Variants in PLCL2 observed in about 807,000 individuals in gnomAD.
PLCL2 encodes phospholipase C like 2.
A neutral mutation model predicts 79.6 loss-of-function variants in PLCL2; 4 were observed. The observed-to-expected ratio is 0.05, with a 90% CI of 0.02 to 0.11. The LOEUF (loss-of-function observed/expected upper bound fraction) is 0.11. Among genes scored for constraint, PLCL2 ranks in the 10% least tolerant of loss-of-function variants. The pLI is 1.00. For synonymous variants in PLCL2, 484 were observed against 457.7 expected (o/e 1.06, Z -0.73); for missense variants, 895 against 1,291.0 (o/e 0.69, Z 4.70).
intron 1 of PLCL2, among the ~76,000 whole-genome samples, chr3:16,998,849 C>A (rs76447924): frequency 1.3e-5 from 2 of 152,140 alleles, no homozygotes; most frequent in African/African-American, 4.8e-5. Context: ...TTATTTGGAA[C>A]CTTTAACCTG....
At chr3:16,889,850 A>G (rs978028572) in intron 1 of PLCL2, among the ~76,000 whole-genome samples, 1 of 152,336 alleles carries the variant, frequency 6.6e-6, no homozygotes, top group Admixed American at 6.5e-5. Flanking sequence ...CTTAAAAATA[A>G]TATCTGCGTT....
chr3:17,034,055 A>G (rs757856420), intron 3 of PLCL2, among the ~76,000 whole-genome samples: 13 of 152,182 alleles, frequency 8.5e-5, no homozygotes, highest in Non-Finnish European at 1.3e-4. Context: ...TCATTTCATT[A>G]TAACACTGAA....
chr3:17,044,950 T>A (rs1225252232), intron 4 of PLCL2, among the ~76,000 whole-genome samples: 1 of 152,212 alleles, frequency 6.6e-6, no homozygotes, highest in African/African-American at 2.4e-5. Context: ...GTGTAATGGT[T>A]CAAGTTGCTC....
chr3:16,974,806 T>C (rs945136692), intron 1 of PLCL2, among the ~76,000 whole-genome samples: 2 of 152,228 alleles, frequency 1.3e-5, no homozygotes, highest in African/African-American at 4.8e-5. Context: ...GCACTAAGAT[T>C]TAGTACCTTT....
At chr3:17,008,535 G>A (rs1025674154) in intron 1 of PLCL2, among the ~76,000 whole-genome samples, 1 of 152,060 alleles carries the variant, frequency 6.6e-6, no homozygotes. Context: ...ACCAGCCCCA[G>A]GGAGCTGGTT....
intron 3 of PLCL2, among the ~76,000 whole-genome samples, chr3:17,038,440 C>G (rs944993540): frequency 6.6e-6 from 1 of 152,144 alleles, no homozygotes; most frequent in Non-Finnish European, 1.5e-5. Context: ...TATAATTAAC[C>G]ATTCTACTTG....
At chr3:16,981,020 C>T (rs1451182266) in intron 1 of PLCL2, among the ~76,000 whole-genome samples, 1 of 152,222 alleles carries the variant, frequency 6.6e-6, no homozygotes, top group Admixed American at 6.5e-5. Context: ...CCTGCAATCG[C>T]AGGCACTCGG....
chr3:17,086,857 T>C (rs1280306652), intron 5 of PLCL2, among the ~76,000 whole-genome samples: 1 of 152,044 alleles, frequency 6.6e-6, no homozygotes, highest in African/African-American at 2.4e-5. Flanking sequence ...TGGGCAAAAG[T>C]CTGAACAGTC....
chr3:17,026,282 T>G (rs2064516539), intron 3 of PLCL2, among the ~76,000 whole-genome samples: 2 of 152,216 alleles, frequency 1.3e-5, no homozygotes, highest in African/African-American at 4.8e-5. Flanking sequence ...AGAGTCAAGT[T>G]TAACTCTACA....
intron 5 of PLCL2, among the ~76,000 whole-genome samples, chr3:17,071,559 G>A (rs1363553520): frequency 6.6e-6 from 1 of 152,064 alleles, no homozygotes; most frequent in Admixed American, 6.5e-5. Context: ...ATTATTAGAC[G>A]TAGGTGACTT....
chr3:16,888,600 T>C (rs1696277034), intron 1 of PLCL2, among the ~76,000 whole-genome samples: 1 of 152,240 alleles, frequency 6.6e-6, no homozygotes, highest in South Asian at 2.1e-4. Context: ...ACTTTCATTT[T>C]CTCTTTCCAT....
chr3:17,063,419 T>G (rs1333282214), intron 4 of PLCL2, among the ~76,000 whole-genome samples: 1 of 149,106 alleles, frequency 6.7e-6, no homozygotes, highest in Non-Finnish European at 1.5e-5. Context: ...CATCTCTCAG[T>G]CCCATCTCCC....
chr3:16,977,926 GACAA>G (rs1042273611), intron 1 of PLCL2, among the ~76,000 whole-genome samples: 4 of 152,154 alleles, frequency 2.6e-5, no homozygotes, highest in Admixed American at 6.5e-5. Flanking sequence ...TGGTGGAAGG[GACAA>G]ACAAAGTCCT....
In PLCL2 at chr3:16,885,173, G is replaced by A; in HGVS notation, c.134G>A (p.Gly45Glu). The A allele has an allele frequency of 1.8e-6, 1 of 562,644 alleles. No individual in the cohort carries two copies. Among genetic ancestry groups the A allele is most frequent in the East Asian group, 3.5e-5 (1 of 28,902 alleles). The allele number at this position is 562,644 out of a possible 1,614,324, so 34.9% of individuals were successfully genotyped here. Residue 45 changes from glycine to glutamate, a missense_variant, in exon 1 of 6, where the codon GGG (glycine) becomes GAG (glutamate). Around this residue, in one of 6 missense-constraint regions of PLCL2, gnomAD observed 110 missense variants for 42.9 expected, o/e 2.56. Coordinates refer to ENST00000615277, the MANE Select transcript of PLCL2 (RefSeq NM_001144382.2). ...GGGGGGRLGHGRARYDSGGVS... is the reference protein window; with the variant it reads ...GGGGGGRLGHERARYDSGGVS... ...GGCGGGGGAGGTCGCCTCGGCCACG[G>A]GCGGGCGCGCTATGACAGCGGCGGG...
At chr3:17,069,845 T>G (rs191658242) in intron 5 of PLCL2, among the ~76,000 whole-genome samples, 3 of 152,236 alleles carry the variant, frequency 2.0e-5, no homozygotes, top group Non-Finnish European at 4.4e-5. Flanking sequence ...TGTACTTTTC[T>G]TATATACCTA....
At position 16,888,726 on chromosome 3, in the gene PLCL2, A is replaced by T. The variant is rs560204006; in HGVS notation, c.327+3360A>T. 3.1e-4 allele frequency among the ~76,000 whole-genome samples: 47 copies of T among 152,334 alleles called. 1 individual carries two copies. The South Asian group carries it at 8.7e-3, about 28-fold the overall frequency. On this transcript the variant is annotated intron_variant, in intron 1 of 5. Transcript: ENST00000615277. ...AAATAGCTCAATCTTTTAATTCAAG[A>T]GCCTGGTCTAAAAATATGAAGTAGC...
At position 17,009,900 on chromosome 3, in the gene PLCL2, A is replaced by G. The variant is rs769761633; in HGVS notation, c.554A>G (p.Lys185Arg). 3.7e-6 allele frequency: 6 copies of G among 1,613,248 alleles called. No homozygotes were observed. The highest frequency in any genetic ancestry group is 3.3e-4 in the Middle Eastern group (2 of 6,060). Residue 185 changes from lysine (K) to arginine (R), a missense_variant, in exon 2 of 6, where the codon AAG becomes AGG. By Grantham distance (26) the Lys-to-Arg change is conservative. Transcript: ENST00000615277. The surrounding 1 kb of genome is among the most constrained non-coding windows in gnomAD (Gnocchi z 4.0). ...TCTAAGAAGGATTCTGAGAAAGCCA[A>G]GATTGACATTAAATCCATCAAGGAA... The part of the protein sequence containing the change: ...EPSKKDSEKA[K>R]IDIKSIKEVR...
chr3:16,914,214 C>T (rs2124929936), intron 1 of PLCL2, among the ~76,000 whole-genome samples: 1 of 152,248 alleles, frequency 6.6e-6, no homozygotes, highest in Admixed American at 6.5e-5. Context: ...GTAACTCTAA[C>T]ATAGATCTTA....
At chr3:16,922,966 T>G (rs540100344) in intron 1 of PLCL2, among the ~76,000 whole-genome samples, 3 of 152,144 alleles carry the variant, frequency 2.0e-5, no homozygotes, top group Non-Finnish European at 4.4e-5. Context: ...AGGATTCATT[T>G]GAGAAAACAA....
Sources: allele counts gnomAD v4.1 joint callset (sites outside exome capture counted in the v4.1 genomes callset), GRCh38; gene constraint gnomAD v4.1.1; regional missense constraint gnomAD v4.1.1; non-coding constraint Gnocchi (gnomAD v3.1); transcripts MANE v1.5; gene names NCBI Gene and HGNC (gene_info 2026-07-23, HGNC 2026-07-21).